The following DNHD1 variants were observed in gnomAD, a reference collection of about 807,000 sequenced individuals.
DNHD1 encodes the protein dynein heavy chain domain-containing protein 1.
DNHD1 carries 383 observed loss-of-function variants against 458.1 expected under a neutral mutation model. The observed-to-expected ratio is 0.84, with a 90% CI of 0.77 to 0.91. DNHD1 has a LOEUF of 0.91. DNHD1 is among the 40% of genes least tolerant of loss of function. DNHD1 has a pLI of 0.00. For missense variants in DNHD1, 5,336 were observed against 5,866.1 expected (o/e 0.91, Z 2.95); for synonymous variants, 2,203 against 2,376.9 (o/e 0.93, Z 2.13).
chr11:6,525,857 C>G (rs906971148), intron 10 of DNHD1, among the ~76,000 whole-genome samples: 3 of 151,922 alleles, frequency 2.0e-5, no homozygotes, highest in Non-Finnish European at 4.4e-5. Context: ...TTCTTTTTGC[C>G]TAGATTTTTT....
chr11:6,546,988 G>A lies in DNHD1; in HGVS notation c.6049G>A (p.Asp2017Asn), dbSNP rs917922766. 31 of 1,551,364 alleles carry A rather than the reference G, an allele frequency of 2.0e-5. No individual in the cohort carries two copies. The highest frequency in any genetic ancestry group is 2.5e-5 in the Non-Finnish European group (29 of 1,146,912). Residue 2017 changes from aspartate to asparagine, a missense_variant, in exon 21 of 43, where the codon GAC becomes AAC. This residue lies in a region of DNHD1 where 3,932 missense variants were observed against 4,365.6 expected (regional missense o/e 0.90). Transcript: ENST00000254579. ...CCAGAATCGGCTGGCAGCCATGGAG[G>A]ACACCTCAACCCAAGGCTGCCAGCC... ...KIQNRLAAMEDTSTQGCQPVE... is the reference protein window; with the variant it reads ...KIQNRLAAMENTSTQGCQPVE...
rs148834895 is a variant in DNHD1 at position 6,506,454 on chromosome 11, T to C, written c.921-2426T>C. ...TATTATCCAGATAGTTGGCCTAGTT[T>C]TTCTAGTTGTTATCAAGTGGGAATG... On this transcript the variant is annotated intron_variant, in intron 4 of 42. Transcript: ENST00000254579. Among the ~76,000 whole-genome samples the C allele has an allele frequency of 3.3e-4, 50 of 152,332 alleles. No individual in the cohort carries two copies. In the East Asian group the frequency reaches 9.3e-3, roughly 28 times the overall value.
intron 39 of DNHD1, among the ~76,000 whole-genome samples, chr11:6,569,089 A>C (rs1371489088): frequency 6.6e-6 from 1 of 152,164 alleles, no homozygotes; most frequent in Non-Finnish European, 1.5e-5. Flanking sequence ...GAGCAGAGGG[A>C]CCTAAACTCA....
At chr11:6,507,456 A>G (rs1200143493) in intron 4 of DNHD1, among the ~76,000 whole-genome samples, 1 of 152,170 alleles carries the variant, frequency 6.6e-6, no homozygotes, top group Non-Finnish European at 1.5e-5. Flanking sequence ...TTAATAAAGC[A>G]TTTATTTTTA....
In DNHD1 at chr11:6,571,080, C is replaced by T. The variant is rs749354156; in HGVS notation, c.13568C>T (p.Ala4523Val). 5 of 1,586,402 alleles carry T rather than the reference C, an allele frequency of 3.2e-6. No individual in the cohort carries two copies. Among genetic ancestry groups the T allele is most frequent in the South Asian group, 1.1e-5 (1 of 88,366 alleles). ...APPCPSRRCA[A>V]VAHALWTGRL... Reference sequence around the variant, plus strand: ...CCGTGCCCCTCCCGCCGCTGTGCTGCGGTGGCCCACGCTCTCTGGACTGGC... The same window carrying T: ...CCGTGCCCCTCCCGCCGCTGTGCTGTGGTGGCCCACGCTCTCTGGACTGGC... The change falls in exon 42 of 43, where the codon GCG (alanine) becomes GTG (valine). Residue 4523 changes from alanine to valine, a missense_variant. Ala to Val is a moderately conservative substitution (Grantham distance 64). Coordinates refer to ENST00000254579, the MANE Select transcript of DNHD1 (RefSeq NM_144666.3). The surrounding 1 kb of genome is among the most constrained non-coding windows in gnomAD (Gnocchi z 5.0).
intron 14 of DNHD1, among the ~76,000 whole-genome samples, chr11:6,534,671 T>G (rs923687095): frequency 1.3e-5 from 2 of 152,174 alleles, no homozygotes; most frequent in Non-Finnish European, 2.9e-5. Context: ...TGGTCTCAAT[T>G]CTTTCATACA....
In DNHD1 at chr11:6,545,049, G is replaced by C; in HGVS notation, c.4110G>C (p.Leu1370=). ...FFLSDSELVA[L]LAARLESCEA... The stretch of plus-strand genomic sequence containing the variant: ...TTAGTGACAGTGAGCTGGTAGCCCT[G>C]CTGGCTGCTCGACTGGAATCATGCG... Residue 1370 remains leucine (L), a synonymous_variant, in exon 21 of 43, where the codon CTG becomes CTC. Transcript: ENST00000254579. The surrounding 1 kb of genome is among the most constrained non-coding windows in gnomAD (Gnocchi z 4.9). 6.4e-7 allele frequency: 1 copy of C among 1,551,870 alleles called. No homozygotes were observed. Among genetic ancestry groups the C allele is most frequent in the Non-Finnish European group, 8.7e-7 (1 of 1,147,022 alleles).
rs752898762 is a variant in DNHD1, at chr11:6,546,526, C to T, written c.5587C>T (p.Arg1863Cys). Reference protein sequence around the residue: ...TRLSKFFSLERELVSGPLPCR... With the variant: ...TRLSKFFSLECELVSGPLPCR... ...CCTATCCAAATTCTTCTCTCTAGAGCGTGAGCTGGTGTCTGGGCCCCTGCC... is the reference window on the plus strand; with the variant it reads ...CCTATCCAAATTCTTCTCTCTAGAGTGTGAGCTGGTGTCTGGGCCCCTGCC... Residue 1863 changes from arginine (R) to cysteine (C), a missense_variant, in exon 21 of 43, where the codon CGT (arginine) becomes TGT (cysteine). By Grantham distance (180) the Arg-to-Cys change is radical. This residue lies in a region of DNHD1 where 3,932 missense variants were observed against 4,365.6 expected (regional missense o/e 0.90). Transcript: ENST00000254579. The T allele has an allele frequency of 9.0e-6, 14 of 1,551,188 alleles. No homozygotes were observed. The highest frequency in any genetic ancestry group is 6.8e-5 in the African/African-American group (5 of 73,064).
At position 6,540,030 on chromosome 11, in the gene DNHD1, G is replaced by A. The variant is rs200288379; in HGVS notation, c.3575G>A (p.Arg1192His). 1,121 of 1,551,528 alleles carry A rather than the reference G, an allele frequency of 7.2e-4. No individual in the cohort carries two copies. Among genetic ancestry groups the A allele is most frequent in the Non-Finnish European group, 9.2e-4 (1,058 of 1,146,940 alleles). ...GAGCGCTCCAAGAGGCAGGTGCTCC[G>A]CAGCCCCCAATGGGAGGTAGTGGAC... ...ASERSKRQVLRSPQWEVVDKD... is the reference protein window; with the variant it reads ...ASERSKRQVLHSPQWEVVDKD... The change falls in exon 18 of 43, where the codon CGC becomes CAC. Residue 1192 changes from arginine to histidine, a missense_variant. By Grantham distance (29) the Arg-to-His change is conservative (BLOSUM62 0). Transcript: ENST00000254579.
In DNHD1 at chr11:6,571,076, G is replaced by C. The variant is rs374571394; in HGVS notation, c.13564G>C (p.Ala4522Pro). 6.3e-7 allele frequency: 1 copy of C among 1,586,516 alleles called. No homozygotes were observed. Among genetic ancestry groups the C allele is most frequent in the African/African-American group, 1.3e-5 (1 of 74,622 alleles). Residue 4522 changes from alanine (A) to proline (P), a missense_variant, in exon 42 of 43, where the codon GCT (alanine) becomes CCT (proline). Coordinates refer to ENST00000254579, the MANE Select transcript of DNHD1 (RefSeq NM_144666.3). The surrounding 1 kb of genome is among the most constrained non-coding windows in gnomAD (Gnocchi z 5.0). ...ACCCCCGTGCCCCTCCCGCCGCTGT[G>C]CTGCGGTGGCCCACGCTCTCTGGAC... ...GAPPCPSRRC[A>P]AVAHALWTGR...
intron 24 of DNHD1, among the ~76,000 whole-genome samples, chr11:6,553,815 T>C (rs55970867): frequency 0.079 from 12,062 of 152,076 alleles, 1,168 homozygotes; most frequent in African/African-American, 0.23. Context: ...ACACTGAAAA[T>C]GACTAAATAT....
Position 6,563,941 on chromosome 11 carries a change from C to T in DNHD1, c.10101C>T (p.Tyr3367=). ...LTREQARLGY[Y]QFQAQETLEH... is the part of the protein sequence containing the mutation. ...GGGAGCAGGCCCGCCTGGGCTACTA[C>T]CAGTTTCAGGCCCAGGAGACCCTGG... Residue 3367 remains tyrosine (Y), a synonymous_variant, in exon 31 of 43, where the codon TAC becomes TAT. Coordinates refer to ENST00000254579, the MANE Select transcript of DNHD1 (RefSeq NM_144666.3). 6.4e-7 allele frequency: 1 copy of T among 1,551,716 alleles called. No homozygotes were observed. The highest frequency in any genetic ancestry group is 8.7e-7 in the Non-Finnish European group (1 of 1,146,998).
At position 6,571,428 on chromosome 11, in the gene DNHD1, C is replaced by G. The variant is rs1853848814; in HGVS notation, c.13911+5C>G. 5.1e-6 allele frequency: 8 copies of G among 1,578,658 alleles called. No homozygotes were observed. Among genetic ancestry groups the G allele is most frequent in the Non-Finnish European group, 6.9e-6 (8 of 1,157,858 alleles). On this transcript the variant is annotated splice_donor_5th_base_variant and intron_variant, in intron 42 of 42. Transcript: ENST00000254579. The surrounding 1 kb of genome is among the most constrained non-coding windows in gnomAD (Gnocchi z 5.0). ...AGCAACCCTCTGCACTTCAGGGTAT[C>G]TTCGCGCCGCCCCTCGTTCGCGGTT...
intron 10 of DNHD1, among the ~76,000 whole-genome samples, chr11:6,527,771 G>T (rs1852739484): frequency 6.6e-6 from 1 of 152,210 alleles, no homozygotes; most frequent in Non-Finnish European, 1.5e-5. Context: ...GGTGTGGATA[G>T]TATGGCTCTT....
chr11:6,519,476 C>T (rs1852558494), intron 7 of DNHD1, 124 bp from the exon 8 acceptor site: 2 of 1,043,554 alleles, frequency 1.9e-6, no homozygotes, highest in South Asian at 1.5e-5. Context: ...TAAAAAGGAG[C>T]CCTCCATATG....
In DNHD1 at chr11:6,557,868, TG is replaced by T. The variant is rs1381842363; in HGVS notation, c.8574del (p.Ser2859AlafsTer79). On this transcript the variant is annotated frameshift_variant, in exon 25 of 43. Transcript: ENST00000254579. LOFTEE classifies it high-confidence loss of function. Reference protein sequence around the residue: ...QLATSAAQLKLSPHLARCHSM... With the variant: ...QLATSAAQLKXSPHLARCHSM... ...GCCACCTCAGCTGCTCAACTGAAGT[TG>T]AGCCCCCACCTGGCCCGGTGTCATT... 2 of 1,550,976 alleles carry T rather than the reference TG, an allele frequency of 1.3e-6. No individual in the cohort carries two copies. Among genetic ancestry groups the T allele is most frequent in the Non-Finnish European group, 1.7e-6 (2 of 1,146,954 alleles).
chr11:6,571,721 T>A lies in DNHD1; in HGVS notation c.13997T>A (p.Ile4666Lys). ...GTCCTACATGCGGAGTGGGACCCAA[T>A]AGCTGGAGCCTTGCAGGACAGTCCT... is the stretch of plus-strand genomic sequence containing the variant. ...LQVLHAEWDPIAGALQDSPSS... is the reference protein window; with the variant it reads ...LQVLHAEWDPKAGALQDSPSS... Residue 4666 changes from isoleucine to lysine, a missense_variant, in exon 43 of 43, where the codon ATA (isoleucine) becomes AAA (lysine). Ile to Lys is a moderately radical substitution (Grantham distance 102). Around this residue, in one of 4 missense-constraint regions of DNHD1, gnomAD observed 698 missense variants for 664.9 expected, o/e 1.05. Coordinates refer to ENST00000254579, the MANE Select transcript of DNHD1 (RefSeq NM_144666.3). The surrounding 1 kb of genome is among the most constrained non-coding windows in gnomAD (Gnocchi z 5.0). 6.2e-7 allele frequency: 1 copy of A among 1,612,482 alleles called. No homozygotes were observed. The highest frequency in any genetic ancestry group is 8.5e-7 in the Non-Finnish European group (1 of 1,179,224).
rs1341964500 is a variant in DNHD1, at chr11:6,566,615, G to A, written c.11235G>A (p.Leu3745=). The A allele has an allele frequency of 6.2e-7, 1 of 1,613,722 alleles. No homozygotes were observed. Among genetic ancestry groups the A allele is most frequent in the Non-Finnish European group, 8.5e-7 (1 of 1,179,850 alleles). Residue 3745 remains leucine (L), a synonymous_variant, in exon 35 of 43, where the codon CTG becomes CTA. Transcript: ENST00000254579. ...KVLGCELLKG[L]NVLDLGLNME... Reference sequence around the variant, plus strand: ...TAGGTTGTGAACTGCTAAAGGGGCTGAATGTGTTGGATCTGGGCCTGAACA... The same window carrying A: ...TAGGTTGTGAACTGCTAAAGGGGCTAAATGTGTTGGATCTGGGCCTGAACA...
chr11:6,547,031 T>TGGG lies in DNHD1; in HGVS notation c.6093_6094insGGG (p.Leu2031_Tyr2032insGly). The TGGG allele has an allele frequency of 6.4e-7, 1 of 1,551,436 alleles. No homozygotes were observed. The highest frequency in any genetic ancestry group is 8.7e-7 in the Non-Finnish European group (1 of 1,146,862). ...TGCCAGCCTGTGGAAATTACCCACC[T>TGGG]GTACCCCAGTGGCCTCAGCCCCCAG... is the stretch of plus-strand genomic sequence containing the variant. On this transcript the variant is annotated inframe_insertion, in exon 21 of 43. Transcript: ENST00000254579.
Sources: allele counts gnomAD v4.1 joint callset (sites outside exome capture counted in the v4.1 genomes callset), GRCh38; gene constraint gnomAD v4.1.1; regional missense constraint gnomAD v4.1.1; non-coding constraint Gnocchi (gnomAD v3.1); transcripts MANE v1.5; gene names NCBI Gene and HGNC (gene_info 2026-07-23, HGNC 2026-07-21).